HIBADH: variants seen among roughly 807,000 people sequenced by gnomAD.
The protein encoded by HIBADH is 3-hydroxyisobutyrate dehydrogenase, mitochondrial.
Under a neutral mutation model 36.1 loss-of-function variants are expected in HIBADH, and 25 were observed. The ratio of observed to expected loss-of-function variants is 0.69; its 90% CI spans 0.50 to 0.97. HIBADH has a LOEUF of 0.97. Among genes scored for constraint, HIBADH ranks in the 50% least tolerant of loss-of-function variants. HIBADH has a pLI of 0.00. For synonymous variants in HIBADH, 160 were observed against 149.5 expected (o/e 1.07, Z -0.51); for missense variants, 421 against 418.0 (o/e 1.01, Z -0.06).
intron 4 of HIBADH, among the ~76,000 whole-genome samples, chr7:27,628,313 T>C (rs1356288402): frequency 6.6e-6 from 1 of 152,140 alleles, no homozygotes; most frequent in Admixed American, 6.5e-5. Flanking sequence ...TTAAGTTCTT[T>C]ATAAAAAAAT....
chr7:27,597,010 T>A (rs1392698230), intron 4 of HIBADH, among the ~76,000 whole-genome samples: 5 of 152,134 alleles, frequency 3.3e-5, no homozygotes, highest in Non-Finnish European at 7.4e-5. Context: ...AAACTTTTTT[T>A]AAATATTAAG....
intron 4 of HIBADH, among the ~76,000 whole-genome samples, chr7:27,607,517 A>C (rs955244841): frequency 7.2e-5 from 11 of 152,160 alleles, no homozygotes; most frequent in Admixed American, 7.2e-4. Flanking sequence ...TCAAAAAAAA[A>C]CAAAAAAAGT....
intron 4 of HIBADH, among the ~76,000 whole-genome samples, chr7:27,550,957 G>T (rs538919477): frequency 1.3e-5 from 2 of 152,204 alleles, no homozygotes; most frequent in African/African-American, 4.8e-5. Context: ...GAAAATTACT[G>T]AGAGTAGATT....
intron 5 of HIBADH, among the ~76,000 whole-genome samples, chr7:27,542,073 T>G (rs1433890440): frequency 6.6e-6 from 1 of 152,198 alleles, no homozygotes; most frequent in African/African-American, 2.4e-5. Context: ...TTTTAACTCT[T>G]TATAACAGAT....
chr7:27,542,944 G>C, intron 5 of HIBADH, 23 bp downstream of exon 5: 1 of 1,608,610 alleles, frequency 6.2e-7, no homozygotes. Flanking sequence ...ATCAAGTCAA[G>C]GTCATTAATG....
intron 4 of HIBADH, among the ~76,000 whole-genome samples, chr7:27,588,646 T>G (rs1166072382): frequency 1.3e-5 from 2 of 152,218 alleles, no homozygotes; most frequent in African/African-American, 4.8e-5. Flanking sequence ...TAGAGTATTT[T>G]AAAATATATC....
intron 4 of HIBADH, among the ~76,000 whole-genome samples, chr7:27,595,765 A>G (rs1482629209): frequency 1.3e-5 from 2 of 152,178 alleles, no homozygotes; most frequent in Non-Finnish European, 2.9e-5. Flanking sequence ...AACTGTAAGT[A>G]CTCAAGAAAT....
intron 6 of HIBADH, among the ~76,000 whole-genome samples, chr7:27,536,389 T>C (rs1338742989): frequency 6.6e-6 from 1 of 151,166 alleles, no homozygotes; most frequent in African/African-American, 2.5e-5. Flanking sequence ...ACTTTTAGAA[T>C]ATATTTTATG....
intron 4 of HIBADH, among the ~76,000 whole-genome samples, chr7:27,624,377 A>T (rs560762894): frequency 2.0e-5 from 3 of 152,330 alleles, no homozygotes; most frequent in Admixed American, 1.3e-4. Context: ...CTCCTTCAGA[A>T]AGAGTTTATA....
chr7:27,657,436 A>C (rs1178633610), intron 1 of HIBADH, among the ~76,000 whole-genome samples: 3 of 152,164 alleles, frequency 2.0e-5, no homozygotes, highest in Non-Finnish European at 4.4e-5. Context: ...TAGAACAAGA[A>C]TCACAGAGGA....
chr7:27,651,318 C>T lies in HIBADH; in HGVS notation c.92-1685G>A, dbSNP rs995951981. The stretch of plus-strand genomic sequence containing the variant: ...ATTAAATGTGGGTGTCATTTCTGTG[C>T]AACATCATTTAACAGGCGCTAAGTT... On this transcript the variant is annotated intron_variant, in intron 1 of 7. Coordinates refer to ENST00000265395, the MANE Select transcript of HIBADH (RefSeq NM_152740.4). Among the ~76,000 whole-genome samples the T allele has an allele frequency of 2.0e-5, 3 of 152,228 alleles. No individual in the cohort carries two copies. In the East Asian group the frequency reaches 5.8e-4, roughly 29 times the overall value.
intron 4 of HIBADH, among the ~76,000 whole-genome samples, chr7:27,557,794 A>T (rs1170891408): frequency 1.3e-5 from 2 of 152,236 alleles, no homozygotes; most frequent in Non-Finnish European, 2.9e-5. Context: ...ATATCTTTAC[A>T]TTGGCCAGTA....
At chr7:27,628,243 A>C (rs1357831871) in intron 4 of HIBADH, among the ~76,000 whole-genome samples, 2 of 152,120 alleles carry the variant, frequency 1.3e-5, no homozygotes, top group African/African-American at 4.8e-5. Context: ...GCCAGCAATT[A>C]TTTATTCCTC....
At chr7:27,632,624 T>C (rs1785767078) in intron 2 of HIBADH, among the ~76,000 whole-genome samples, 179 bp from the exon 3 acceptor site, 1 of 143,494 alleles carries the variant, frequency 7.0e-6, no homozygotes, top group Non-Finnish European at 1.5e-5. Flanking sequence ...TAAAGGCACA[T>C]CATTATACAT....
intron 4 of HIBADH, among the ~76,000 whole-genome samples, chr7:27,594,166 A>G (rs2128289393): frequency 6.7e-6 from 1 of 149,882 alleles, no homozygotes; most frequent in South Asian, 2.1e-4. Flanking sequence ...TTTTTCTGAA[A>G]CAGAGTTTCG....
intron 2 of HIBADH, among the ~76,000 whole-genome samples, chr7:27,644,359 G>C (rs1583616759): frequency 1.3e-5 from 2 of 152,150 alleles, no homozygotes; most frequent in South Asian, 4.1e-4. Flanking sequence ...CAGCACTTTG[G>C]GAGGCCAAGG....
chr7:27,651,208 A>G (rs1482275366), intron 1 of HIBADH, among the ~76,000 whole-genome samples: 1 of 152,230 alleles, frequency 6.6e-6, no homozygotes, highest in African/African-American at 2.4e-5. Flanking sequence ...AATTATTTGA[A>G]GCCCTAATGC....
intron 4 of HIBADH, among the ~76,000 whole-genome samples, chr7:27,609,613 C>A (rs1467344106): frequency 6.6e-6 from 1 of 152,022 alleles, no homozygotes; most frequent in African/African-American, 2.4e-5. Flanking sequence ...ATGGATTTGT[C>A]CCTCAAAGTA....
At chr7:27,636,377 A>G (rs1352055570) in intron 2 of HIBADH, among the ~76,000 whole-genome samples, 1 of 152,244 alleles carries the variant, frequency 6.6e-6, no homozygotes, top group Non-Finnish European at 1.5e-5. Context: ...TAAATACTTT[A>G]AAAGTAGAAA....
Sources: allele counts gnomAD v4.1 joint callset (sites outside exome capture counted in the v4.1 genomes callset), GRCh38; gene constraint gnomAD v4.1.1; transcripts MANE v1.5; gene names NCBI Gene and HGNC (gene_info 2026-07-23, HGNC 2026-07-21).